Variants in FRMD4A observed in about 807,000 individuals in gnomAD.
The protein encoded by FRMD4A is FERM domain-containing protein 4A.
FRMD4A carries 29 observed loss-of-function variants against 129.1 expected under a neutral mutation model. That is an observed-to-expected ratio of 0.22 (90% CI 0.17 to 0.31). The LOEUF is 0.31. Ranked by LOEUF, FRMD4A falls within the 10% of genes least tolerant of loss-of-function variation. The pLI is 1.00. For synonymous variants in FRMD4A, 634 were observed against 571.6 expected (o/e 1.11, Z -1.56); for missense variants, 1,272 against 1,375.8 (o/e 0.92, Z 1.19).
At chr10:14,253,934 C>T (rs948743174) in intron 2 of FRMD4A, among the ~76,000 whole-genome samples, 11 of 151,704 alleles carry the variant, frequency 7.3e-5, no homozygotes, top group African/African-American at 2.7e-4. Flanking sequence ...TCACAGGTCC[C>T]AGGAGAGACC....
At chr10:14,257,113 T>G (rs916567077) in intron 2 of FRMD4A, among the ~76,000 whole-genome samples, 3 of 152,080 alleles carry the variant, frequency 2.0e-5, no homozygotes, top group African/African-American at 7.2e-5. Flanking sequence ...GATGGATCAC[T>G]TGAGATAAGG....
chr10:13,849,122 G>C (rs1041594213), intron 3 of FRMD4A, among the ~76,000 whole-genome samples: 2 of 152,190 alleles, frequency 1.3e-5, no homozygotes, highest in Admixed American at 6.5e-5. Flanking sequence ...GAGGTGTGAG[G>C]TCAGCCCAAA....
At chr10:13,850,902 A>G (rs1023742158) in intron 3 of FRMD4A, among the ~76,000 whole-genome samples, 2 of 152,260 alleles carry the variant, frequency 1.3e-5, no homozygotes, top group Non-Finnish European at 2.9e-5. Context: ...TAAATAAGAT[A>G]TGCTCCATAT....
At chr10:13,940,331 CT>C (rs946271375) in intron 2 of FRMD4A, among the ~76,000 whole-genome samples, 17 of 152,096 alleles carry the variant, frequency 1.1e-4, no homozygotes, top group African/African-American at 4.1e-4. Flanking sequence ...CCTTTCCTCA[CT>C]CTCCATTTAG....
chr10:13,847,106 T>C (rs1211304845), intron 3 of FRMD4A, among the ~76,000 whole-genome samples: 4 of 152,092 alleles, frequency 2.6e-5, no homozygotes, highest in Non-Finnish European at 5.9e-5. Flanking sequence ...TTTGGAGAAC[T>C]GTGGGCTTGC....
chr10:13,685,367 G>C, intron 15 of FRMD4A: 1 of 983,888 alleles, frequency 1.0e-6, no homozygotes, highest in Non-Finnish European at 1.2e-6. Context: ...AGAGAGAGGA[G>C]AATGGAAAAA....
chr10:14,322,850 T>C (rs762011845), intron 2 of FRMD4A, among the ~76,000 whole-genome samples: 17 of 152,226 alleles, frequency 1.1e-4, no homozygotes, highest in Middle Eastern at 3.2e-3. Flanking sequence ...ACCAGTAATG[T>C]ATGTTCTCCA....
chr10:14,285,706 C>T (rs1035126988), intron 2 of FRMD4A, among the ~76,000 whole-genome samples: 5 of 152,218 alleles, frequency 3.3e-5, no homozygotes, highest in African/African-American at 1.2e-4. Context: ...TATTGTAGGG[C>T]TGAAGACTGA....
chr10:13,820,890 G>A (rs1255261760), intron 3 of FRMD4A, among the ~76,000 whole-genome samples: 2 of 152,246 alleles, frequency 1.3e-5, no homozygotes, highest in African/African-American at 4.8e-5. Context: ...GGCTGTCTGG[G>A]AGTGACTGTG....
In FRMD4A at chr10:14,087,906, A is replaced by G. The variant is rs1356114729; in HGVS notation, c.46-228994T>C. Among the ~76,000 whole-genome samples, 3 of 152,188 alleles carry G rather than the reference A, an allele frequency of 2.0e-5. No homozygotes were observed. In the East Asian group the frequency reaches 5.8e-4, roughly 29 times the overall value. On this transcript the variant is annotated intron_variant, in intron 2 of 24. Coordinates refer to ENST00000357447, the MANE Select transcript of FRMD4A (RefSeq NM_018027.5). ...AGGAGACTGAGAGGATTGCTTTTGA[A>G]GGGTCATGTTGCAGCGGCTTCTGCT...
chr10:13,786,333 C>T (rs1028595729), intron 5 of FRMD4A, among the ~76,000 whole-genome samples: 4 of 152,138 alleles, frequency 2.6e-5, no homozygotes, highest in African/African-American at 4.8e-5. Flanking sequence ...AAATCTATAT[C>T]GTAGCTCATG....
chr10:14,002,914 A>C (rs1023239894), intron 2 of FRMD4A, among the ~76,000 whole-genome samples: 7 of 152,204 alleles, frequency 4.6e-5, no homozygotes, highest in African/African-American at 1.7e-4. Context: ...TTGGAGGAAC[A>C]GCAAACATGT....
chr10:14,076,407 G>A (rs1022354204), intron 2 of FRMD4A, among the ~76,000 whole-genome samples: 1 of 152,156 alleles, frequency 6.6e-6, no homozygotes, highest in African/African-American at 2.4e-5. Flanking sequence ...TTGGGGGGCC[G>A]AGGCAGGTGG....
intron 2 of FRMD4A, among the ~76,000 whole-genome samples, chr10:14,092,195 C>A (rs1212464171): frequency 6.8e-6 from 1 of 147,514 alleles, no homozygotes; most frequent in African/African-American, 2.5e-5. Context: ...CCATACTGAA[C>A]CGGCTACTAG....
chr10:13,708,414 A>G (rs1327142596), intron 12 of FRMD4A, among the ~76,000 whole-genome samples: 1 of 152,230 alleles, frequency 6.6e-6, no homozygotes, highest in African/African-American at 2.4e-5. Context: ...GAATGGCCAC[A>G]TTCTTTTATC....
intron 2 of FRMD4A, among the ~76,000 whole-genome samples, chr10:14,027,602 G>C (rs1224150579): frequency 6.6e-6 from 1 of 152,190 alleles, no homozygotes; most frequent in East Asian, 1.9e-4. Context: ...AACAACAAGA[G>C]CTAAACTCTG....
At chr10:14,245,916 C>T (rs1044343292) in intron 2 of FRMD4A, among the ~76,000 whole-genome samples, 23 of 152,172 alleles carry the variant, frequency 1.5e-4, no homozygotes, top group Admixed American at 2.0e-4. Flanking sequence ...TGAAAACCCT[C>T]GTTGGATGCT....
intron 2 of FRMD4A, among the ~76,000 whole-genome samples, chr10:14,244,207 T>C (rs1197152336): frequency 6.6e-6 from 1 of 152,178 alleles, no homozygotes; most frequent in Non-Finnish European, 1.5e-5. Flanking sequence ...ATTGCTACCA[T>C]TCCCTAAACA....
In FRMD4A at chr10:14,244,855, G is replaced by C. The variant is rs552034121; in HGVS notation, c.45+85203C>G. Among the ~76,000 whole-genome samples, 3 of 152,264 alleles carry C rather than the reference G, an allele frequency of 2.0e-5. No homozygotes were observed. The South Asian group carries it at 6.2e-4, about 32-fold the overall frequency. On this transcript the variant is annotated intron_variant, in intron 2 of 24. Coordinates refer to ENST00000357447, the MANE Select transcript of FRMD4A (RefSeq NM_018027.5). ...TCTCTTTAATGTTCAGGCTTACTTTGACCATTAAGATGCACCATGAGTCAT... is the reference window on the plus strand; with the variant it reads ...TCTCTTTAATGTTCAGGCTTACTTTCACCATTAAGATGCACCATGAGTCAT...
Sources: gnomAD v4.1 joint callset for allele counts (sites outside exome capture counted in the v4.1 genomes callset) on GRCh38, gnomAD v4.1.1 for gene constraint, MANE v1.5 for transcripts, NCBI Gene and HGNC (gene_info 2026-07-23, HGNC 2026-07-21) for gene names.